DISC1: variants seen among roughly 807,000 people sequenced by gnomAD.
DISC1 encodes DISC1 scaffold protein, also known as disrupted in schizophrenia 1 protein.
Under a neutral mutation model 84.5 loss-of-function variants are expected in DISC1, and 57 were observed. The observed-to-expected ratio is 0.67, with a 90% CI of 0.55 to 0.84. The LOEUF (loss-of-function observed/expected upper bound fraction) is 0.84. DISC1 is among the 40% of genes least tolerant of loss of function. DISC1 has a pLI of 0.00. For synonymous variants in DISC1, 411 were observed against 415.2 expected, an observed-to-expected ratio of 0.99 and a Z score of 0.12; for missense variants, 1,000 against 1,057.8, an observed-to-expected ratio of 0.95 and a Z score of 0.76.
At chr1:231,874,054 GC>G (rs2085668033) in intron 9 of DISC1, among the ~76,000 whole-genome samples, 1 of 151,192 alleles carries the variant, frequency 6.6e-6, no homozygotes, top group African/African-American at 2.4e-5. Context: ...CACTATGTTG[GC>G]CAGGCTTGTC....
intron 12 of DISC1, among the ~76,000 whole-genome samples, chr1:232,033,315 A>G (rs1670228465): frequency 6.6e-6 from 1 of 152,204 alleles, no homozygotes; most frequent in South Asian, 2.1e-4. Context: ...AAACACATCC[A>G]GAATCTAGCC....
At chr1:231,889,242 G>C (rs1483128612) in intron 9 of DISC1, among the ~76,000 whole-genome samples, 1 of 152,160 alleles carries the variant, frequency 6.6e-6, no homozygotes, top group African/African-American at 2.4e-5. Flanking sequence ...ATATCCAGAT[G>C]GAATGACATG....
intron 3 of DISC1, among the ~76,000 whole-genome samples, chr1:231,739,557 C>T (rs544242760): frequency 1.1e-4 from 17 of 152,294 alleles, no homozygotes; most frequent in African/African-American, 2.6e-4. Context: ...CCAATGGGGC[C>T]GCTCACTGCC....
chr1:231,641,442 G>A (rs2059662592), intron 1 of DISC1, among the ~76,000 whole-genome samples: 1 of 151,808 alleles, frequency 6.6e-6, no homozygotes, highest in Admixed American at 6.6e-5. Context: ...TGGTCTCGTT[G>A]GCTTCAGGAG....
intron 9 of DISC1, among the ~76,000 whole-genome samples, chr1:231,853,738 C>T (rs2084063509): frequency 1.3e-5 from 2 of 152,154 alleles, no homozygotes; most frequent in African/African-American, 4.8e-5. Flanking sequence ...GAGCAGTAGG[C>T]TCAACTAGGC....
intron 1 of DISC1, among the ~76,000 whole-genome samples, chr1:231,674,300 T>C (rs990944206): frequency 9.9e-5 from 15 of 152,194 alleles, no homozygotes; most frequent in African/African-American, 3.4e-4. Context: ...ACATCTGTTA[T>C]ATGTGCCATT....
chr1:232,022,356 G>T (rs925669219), intron 11 of DISC1, among the ~76,000 whole-genome samples: 6 of 149,796 alleles, frequency 4.0e-5, no homozygotes, highest in African/African-American at 1.5e-4. Flanking sequence ...TTGCCAGGCC[G>T]GAGTGCAGTG....
At chr1:231,771,594 T>G in intron 6 of DISC1, 1 of 985,384 alleles carries the variant, frequency 1.0e-6, no homozygotes. Context: ...TTACTTCGGT[T>G]GTTGTATTCA....
At chr1:231,795,107 T>C in intron 6 of DISC1, 135 bp from the exon 7 acceptor site, 1 of 807,822 alleles carries the variant, frequency 1.2e-6, no homozygotes, top group South Asian at 1.4e-5. Flanking sequence ...TGGAGCCAAT[T>C]TGGCATCATC....
chr1:231,696,339 C>T (rs1220070612), intron 2 of DISC1, among the ~76,000 whole-genome samples: 4 of 152,188 alleles, frequency 2.6e-5, no homozygotes, highest in African/African-American at 9.7e-5. Flanking sequence ...TCAGACAGGG[C>T]CTGGCATCTA....
At position 231,844,026 on chromosome 1, in the gene DISC1, G is replaced by A. The variant is rs1345349780; in HGVS notation, c.1981+25509G>A. 3.9e-5 allele frequency among the ~76,000 whole-genome samples: 6 copies of A among 152,194 alleles called. No homozygotes were observed. The South Asian group carries it at 6.2e-4, about 16-fold the overall frequency. ...TATCCTAAAGAACATTAATCTTTAG[G>A]GGACAGGCAGAGGACAAGGAGCCAC... On this transcript the variant is annotated intron_variant, in intron 9 of 12. Transcript: ENST00000439617.
rs1664421914 is a variant in DISC1, at chr1:231,986,250, G to A, written c.2043-22535G>A. ...TCTCCTGTCTGGGGATCTCAAGTTG[G>A]GAATGGTCATCTTTGGATGAAGCTG... On this transcript the variant is annotated intron_variant, in intron 10 of 12. Transcript: ENST00000439617. 2.0e-5 allele frequency among the ~76,000 whole-genome samples: 3 copies of A among 152,120 alleles called. No homozygotes were observed. In the South Asian group the frequency reaches 6.2e-4, roughly 32 times the overall value.
chr1:231,657,710 T>C (rs1262337820), intron 1 of DISC1, among the ~76,000 whole-genome samples: 2 of 152,234 alleles, frequency 1.3e-5, no homozygotes, highest in Non-Finnish European at 2.9e-5. Context: ...GCTAGCCAGC[T>C]CTCTCAGCAC....
intron 1 of DISC1, among the ~76,000 whole-genome samples, chr1:231,657,447 T>C (rs55782258): frequency 1.3e-3 from 203 of 152,332 alleles, no homozygotes; most frequent in African/African-American, 4.6e-3. Flanking sequence ...AAGTGTCTGA[T>C]GATAGTTTCT....
At chr1:231,632,675 G>A (rs192274184) in intron 1 of DISC1, among the ~76,000 whole-genome samples, 15 of 152,314 alleles carry the variant, frequency 9.8e-5, no homozygotes, top group African/African-American at 3.4e-4. Context: ...TTTTCATTAA[G>A]TTGTGTTTCA....
At chr1:232,010,870 G>T (rs1667963212) in intron 11 of DISC1, among the ~76,000 whole-genome samples, 1 of 152,088 alleles carries the variant, frequency 6.6e-6, no homozygotes, top group Non-Finnish European at 1.5e-5. Flanking sequence ...CTTTCCTTTG[G>T]GTATAGGTTG....
intron 12 of DISC1, among the ~76,000 whole-genome samples, chr1:232,026,757 TTTTTC>T (rs1432311661): frequency 4.0e-5 from 5 of 124,284 alleles, no homozygotes; most frequent in South Asian, 2.5e-4. Context: ...TTTTTTTTCT[TTTTTC>T]TTTTTTTTTT....
chr1:231,989,999 G>T (rs1270962353), intron 10 of DISC1, among the ~76,000 whole-genome samples: 1 of 152,082 alleles, frequency 6.6e-6, no homozygotes, highest in Admixed American at 6.6e-5. Context: ...TTGCAGCACT[G>T]CCTTGTCTAG....
At chr1:231,865,280 G>T (rs2125933919) in intron 9 of DISC1, among the ~76,000 whole-genome samples, 1 of 152,322 alleles carries the variant, frequency 6.6e-6, no homozygotes, top group East Asian at 1.9e-4. Flanking sequence ...CAGGGGAAGA[G>T]AACTGTCTAG....
Sources: allele counts gnomAD v4.1 joint callset (sites outside exome capture counted in the v4.1 genomes callset), GRCh38; gene constraint gnomAD v4.1.1; transcripts MANE v1.5; gene names NCBI Gene and HGNC (gene_info 2026-07-23, HGNC 2026-07-21).